C1orf21: variants seen among roughly 807,000 people sequenced by gnomAD.
C1orf21 encodes chromosome 1 open reading frame 21, also known as uncharacterized protein C1orf21.
C1orf21 carries 3 observed loss-of-function variants against 18.7 expected under a neutral mutation model. That is an observed-to-expected ratio of 0.16 (90% CI 0.07 to 0.42). C1orf21 has a LOEUF of 0.42. Ranked by LOEUF, C1orf21 falls within the 10% of genes least tolerant of loss-of-function variation. C1orf21 has a pLI of 0.99. For synonymous variants in C1orf21, 41 were observed against 46.4 expected (o/e 0.88, Z 0.47); for missense variants, 104 against 143.6 (o/e 0.72, Z 1.41).
intron 3 of C1orf21, among the ~76,000 whole-genome samples, chr1:184,521,731 A>C (rs1159146103): frequency 1.3e-5 from 2 of 152,196 alleles, no homozygotes; most frequent in East Asian, 3.8e-4. Flanking sequence ...TAGCAAAGAG[A>C]GTGAAATTTA....
chr1:184,615,226 C>T (rs1393663802), intron 5 of C1orf21, among the ~76,000 whole-genome samples: 4 of 152,126 alleles, frequency 2.6e-5, no homozygotes, highest in Non-Finnish European at 5.9e-5. Context: ...GATAATAATA[C>T]AGATAACTGA....
intron 1 of C1orf21, among the ~76,000 whole-genome samples, chr1:184,471,297 A>G (rs1365207143): frequency 1.3e-5 from 2 of 152,216 alleles, no homozygotes; most frequent in African/African-American, 4.8e-5. Flanking sequence ...CGCAATTGAA[A>G]TCAACGCTAT....
intron 1 of C1orf21, among the ~76,000 whole-genome samples, chr1:184,424,063 G>C (rs1377977637): frequency 1.3e-5 from 2 of 152,100 alleles, no homozygotes; most frequent in Non-Finnish European, 2.9e-5. Context: ...TTTTTTCCTT[G>C]GATTGAGTGA....
At chr1:184,618,715 A>G (rs967417546) in intron 5 of C1orf21, among the ~76,000 whole-genome samples, 1 of 150,974 alleles carries the variant, frequency 6.6e-6, no homozygotes, top group Non-Finnish European at 1.5e-5. Context: ...AAATAATAAT[A>G]ACACCTGACT....
intron 2 of C1orf21, among the ~76,000 whole-genome samples, chr1:184,482,018 T>G (rs1455747799): frequency 6.6e-6 from 1 of 152,238 alleles, no homozygotes; most frequent in Non-Finnish European, 1.5e-5. Context: ...TGAGTGATAG[T>G]GATAGGCCCA....
rs1335615453 is a variant in C1orf21, at chr1:184,619,686, C to T, written c.*130C>T. On this transcript the variant is annotated 3_prime_UTR_variant, in exon 6 of 6. Transcript: ENST00000235307. Reference sequence around the variant, plus strand: ...CAAAAGAAGATCGTTCCATATTGTACGCCCCATTAAATTACAGTGTTTCTT... The same window carrying T: ...CAAAAGAAGATCGTTCCATATTGTATGCCCCATTAAATTACAGTGTTTCTT... 9.9e-6 allele frequency: 7 copies of T among 705,620 alleles called. No homozygotes were observed. The highest frequency in any genetic ancestry group is 3.0e-5 in the Admixed American group (1 of 33,210). 43.7% of individuals were successfully genotyped at this position (705,620 alleles called of 1,614,324 possible).
chr1:184,454,708 C>A (rs1657172130), intron 1 of C1orf21, among the ~76,000 whole-genome samples: 1 of 152,078 alleles, frequency 6.6e-6, no homozygotes, highest in African/African-American at 2.4e-5. Flanking sequence ...CATGCTGACT[C>A]CCCCTTTGCC....
At position 184,619,934 on chromosome 1, in the gene C1orf21, C is replaced by G. The variant is rs1435800973; in HGVS notation, c.*378C>G. 1.1e-5 allele frequency: 2 copies of G among 183,038 alleles called. No individual in the cohort carries two copies. The highest frequency in any genetic ancestry group is 2.2e-5 in the Non-Finnish European group (2 of 89,480). The allele number at this position is 183,038 out of a possible 1,614,324, so 11.3% of individuals were successfully genotyped here. On this transcript the variant is annotated 3_prime_UTR_variant, in exon 6 of 6. Coordinates refer to ENST00000235307, the MANE Select transcript of C1orf21 (RefSeq NM_030806.4). ...AGTGGTGAACTCAGATAACAAACTT[C>G]TCTTCTAAACTGGTTCTGCTTCTAA...
chr1:184,601,943 GAA>G (rs1571297464), intron 5 of C1orf21, among the ~76,000 whole-genome samples: 2 of 151,952 alleles, frequency 1.3e-5, no homozygotes, highest in East Asian at 3.9e-4. Context: ...AGCACCTACT[GAA>G]TACTACACTA....
intron 2 of C1orf21, among the ~76,000 whole-genome samples, chr1:184,499,083 T>C (rs1311806701): frequency 1.3e-5 from 2 of 152,134 alleles, no homozygotes; most frequent in Non-Finnish European, 2.9e-5. Context: ...AGCTCTCATT[T>C]ATCCTCCTCC....
Position 184,493,985 on chromosome 1 carries a change from G to C in C1orf21, c.95-13603G>C, listed in dbSNP as rs774573051. 3.4e-4 allele frequency among the ~76,000 whole-genome samples: 52 copies of C among 152,228 alleles called. 1 individual carries two copies. Among genetic ancestry groups the C allele is most frequent in the Admixed American group, 6.5e-5 (1 of 15,288 alleles). ...TGGATTTTACTAAGAGATATAACAT[G>C]TAATATGATAATGATTGCCCTCATT... On this transcript the variant is annotated intron_variant, in intron 2 of 5. Transcript: ENST00000235307.
rs149461393 is a variant in C1orf21, at chr1:184,423,020, G to A, written c.-125+35652G>A. 1.4e-3 allele frequency among the ~76,000 whole-genome samples: 208 copies of A among 152,294 alleles called. 2 individuals are homozygous for A. Among genetic ancestry groups the A allele is most frequent in the Middle Eastern group, 6.8e-3 (2 of 294 alleles). On this transcript the variant is annotated intron_variant, in intron 1 of 5. Coordinates refer to ENST00000235307, the MANE Select transcript of C1orf21 (RefSeq NM_030806.4). ...CTACCATCCATTGGCATTATGTCTTGTGTAAACTATTTATCCTCCCTTAAG... is the reference window on the plus strand; with the variant it reads ...CTACCATCCATTGGCATTATGTCTTATGTAAACTATTTATCCTCCCTTAAG...
At chr1:184,415,764 A>C (rs1274656123) in intron 1 of C1orf21, among the ~76,000 whole-genome samples, 2 of 152,204 alleles carry the variant, frequency 1.3e-5, no homozygotes, top group Non-Finnish European at 2.9e-5. Flanking sequence ...TACTTATGGC[A>C]AATTGACTTG....
chr1:184,470,074 G>T lies in C1orf21; in HGVS notation c.-124-7312G>T, dbSNP rs112402444. On this transcript the variant is annotated intron_variant, in intron 1 of 5. Coordinates refer to ENST00000235307, the MANE Select transcript of C1orf21 (RefSeq NM_030806.4). ...TCATACTTATTCTGCATTCAGTTTT[G>T]TGTGTGTGTTTTTTTATTTTTAAAA... Among the ~76,000 whole-genome samples, 171 of 152,184 alleles carry T rather than the reference G, an allele frequency of 1.1e-3. 2 individuals carry two copies. The highest frequency in any genetic ancestry group is 4.0e-3 in the African/African-American group (164 of 41,510).
intron 1 of C1orf21, among the ~76,000 whole-genome samples, chr1:184,431,099 G>C (rs894919676): frequency 1.6e-4 from 24 of 152,128 alleles, no homozygotes; most frequent in African/African-American, 5.3e-4. Context: ...TGATATATAG[G>C]AATGCTTGTG....
chr1:184,430,177 T>A (rs1656717473), intron 1 of C1orf21, among the ~76,000 whole-genome samples: 2 of 152,158 alleles, frequency 1.3e-5, no homozygotes, highest in South Asian at 4.1e-4. Flanking sequence ...GGAGCCTATT[T>A]TTTTTTAAGC....
chr1:184,406,508 G>A (rs770253379), intron 1 of C1orf21, among the ~76,000 whole-genome samples: 5 of 152,180 alleles, frequency 3.3e-5, no homozygotes, highest in African/African-American at 1.2e-4. Context: ...ATAACTGGGA[G>A]GGGGAGGAAT....
chr1:184,522,963 C>T (rs6668024), intron 3 of C1orf21, among the ~76,000 whole-genome samples: 25,746 of 152,098 alleles, frequency 0.17, 2,463 homozygotes, highest in Admixed American at 0.29. Context: ...GCTGGGATGA[C>T]GGGCATGAGC....
Position 184,628,291 on chromosome 1 carries a change from T to G in C1orf21, c.*8735T>G, listed in dbSNP as rs1484625454. 1 of 152,242 alleles carries G rather than the reference T, an allele frequency of 6.6e-6. No individual in the cohort carries two copies. Among genetic ancestry groups the G allele is most frequent in the Non-Finnish European group, 1.5e-5 (1 of 68,044 alleles). The allele number at this position is 152,242 out of a possible 1,614,324, so 9.4% of individuals were successfully genotyped here. Reference sequence around the variant, plus strand: ...TTTATTAATTTATTTAAAGCATATATCCCTTTACTTTTGTACTACTATATT... The same window carrying G: ...TTTATTAATTTATTTAAAGCATATAGCCCTTTACTTTTGTACTACTATATT... On this transcript the variant is annotated 3_prime_UTR_variant, in exon 6 of 6. Transcript: ENST00000235307.
Sources: gnomAD v4.1 joint callset for allele counts (sites outside exome capture counted in the v4.1 genomes callset) on GRCh38, gnomAD v4.1.1 for gene constraint, MANE v1.5 for transcripts, NCBI Gene and HGNC (gene_info 2026-07-23, HGNC 2026-07-21) for gene names.